BCAS3: variants seen among roughly 807,000 people sequenced by gnomAD.
BCAS3 encodes BCAS3 microtubule associated cell migration factor, also known as BCAS4/BCAS3 fusion.
A neutral mutation model predicts 116.1 loss-of-function variants in BCAS3; 53 were observed. The ratio of observed to expected loss-of-function variants is 0.46; its 90% CI spans 0.37 to 0.57. BCAS3 has a LOEUF of 0.57. Among genes scored for constraint, BCAS3 ranks in the 20% least tolerant of loss-of-function variants. The pLI is 0.00. For synonymous variants in BCAS3, 391 were observed against 408.2 expected (o/e 0.96, Z 0.51); for missense variants, 917 against 1,165.4 (o/e 0.79, Z 3.10).
At position 61,078,467 on chromosome 17, in the gene BCAS3, G is replaced by A. The variant is rs35444549; in HGVS notation, c.2265G>A (p.Pro755=). The A allele has an allele frequency of 1.3e-4, 209 of 1,614,140 alleles. 1 individual carries two copies. In the African/African-American group the frequency reaches 2.2e-3, roughly 17 times the overall value. The stretch of plus-strand genomic sequence containing the variant: ...CATCTGTGTTGCAGTCTCATGGTCC[G>A]AGTGACACGCCACAGCCTCTTTTGG... ...SSSSVLQSHG[P]SDTPQPLLDF... The change falls in exon 21 of 24, where the codon CCG becomes CCA. Residue 755 remains proline, a synonymous_variant. Coordinates refer to ENST00000407086, the MANE Select transcript of BCAS3 (RefSeq NM_017679.5).
rs2066477750 is a variant in BCAS3 at position 61,029,434 on chromosome 17, G to A, written c.1638-5232G>A. Among the ~76,000 whole-genome samples the A allele has an allele frequency of 6.6e-6, 1 of 151,852 alleles. No individual in the cohort carries two copies. The highest frequency in any genetic ancestry group is 1.5e-5 in the Non-Finnish European group (1 of 67,886). On this transcript the variant is annotated intron_variant, in intron 16 of 23. Coordinates refer to ENST00000407086, the MANE Select transcript of BCAS3 (RefSeq NM_017679.5). The surrounding 1 kb of genome is among the most constrained non-coding windows in gnomAD (Gnocchi z 5.2). ...ATTATGTGTCATCTAGGTTAGTTTA[G>A]GATATTTGAGTTTGGATGACTATAT...
chr17:60,989,890 C>G lies in BCAS3; in HGVS notation c.1222-81C>G, dbSNP rs919927331. On this transcript the variant is annotated intron_variant, in intron 14 of 23. Coordinates refer to ENST00000407086, the MANE Select transcript of BCAS3 (RefSeq NM_017679.5). ...TGGTAATGAGGCAATCATTTATATTCATATTTGGTGATGTGTGATACTCTT... is the reference window on the plus strand; with the variant it reads ...TGGTAATGAGGCAATCATTTATATTGATATTTGGTGATGTGTGATACTCTT... 3.5e-6 allele frequency: 5 copies of G among 1,419,492 alleles called. No homozygotes were observed. In the African/African-American group the frequency reaches 5.7e-5, roughly 16 times the overall value. The allele number at this position is 1,419,492 out of a possible 1,614,324, so 87.9% of individuals were successfully genotyped here. A position where few individuals can be genotyped will look rare whatever the true frequency, so the allele number is the denominator to read the frequency against.
intron 14 of BCAS3, among the ~76,000 whole-genome samples, chr17:60,976,020 CTTTTTTTTT>C (rs755966067): frequency 6.1e-5 from 6 of 98,286 alleles, no homozygotes; most frequent in East Asian, 7.0e-4. Flanking sequence ...TAGATTTTTG[CTTTTTTTTT>C]TTTTTTTTTT....
Position 61,313,594 on chromosome 17 carries a change from G to A in BCAS3, c.2426-54733G>A, listed in dbSNP as rs369223504. 6.6e-5 allele frequency among the ~76,000 whole-genome samples: 10 copies of A among 152,344 alleles called. No individual in the cohort carries two copies. In the South Asian group the frequency reaches 1.4e-3, roughly 22 times the overall value. On this transcript the variant is annotated intron_variant, in intron 22 of 23. Transcript: ENST00000407086. This position sits in a 1 kb window ranked among gnomAD's most constrained non-coding sequence, Gnocchi z 4.3. ...TGTAGGGGATTTATTTCCAAGGCTGGAGGACAGAGCTTGGACTCGGGTCCA... is the reference window on the plus strand; with the variant it reads ...TGTAGGGGATTTATTTCCAAGGCTGAAGGACAGAGCTTGGACTCGGGTCCA...
chr17:60,813,850 T>C (rs1298413725), intron 7 of BCAS3, among the ~76,000 whole-genome samples: 1 of 152,164 alleles, frequency 6.6e-6, no homozygotes, highest in Non-Finnish European at 1.5e-5. Context: ...ATATGCAGCT[T>C]TATTTCTGGG....
chr17:61,070,885 G>A (rs1568284150), intron 19 of BCAS3, among the ~76,000 whole-genome samples: 1 of 152,178 alleles, frequency 6.6e-6, no homozygotes, highest in Non-Finnish European at 1.5e-5. Context: ...GGTCATATCT[G>A]TAAAACAGAA....
At chr17:60,857,650 G>T (rs2053793954) in intron 7 of BCAS3, among the ~76,000 whole-genome samples, 1 of 152,132 alleles carries the variant, frequency 6.6e-6, no homozygotes, top group African/African-American at 2.4e-5. Flanking sequence ...AGATTGTCTT[G>T]CTATGTTCCA....
At chr17:61,048,547 T>G (rs2068555338) in intron 19 of BCAS3, among the ~76,000 whole-genome samples, 1 of 152,012 alleles carries the variant, frequency 6.6e-6, no homozygotes, top group South Asian at 2.1e-4. Flanking sequence ...GTGCTTTTAT[T>G]GTAAATAAAG....
In BCAS3 at chr17:60,961,476, A is replaced by G. The variant is rs2061409591; in HGVS notation, c.1221+14124A>G. 6.6e-6 allele frequency among the ~76,000 whole-genome samples: 1 copy of G among 152,120 alleles called. No homozygotes were observed. The highest frequency in any genetic ancestry group is 1.5e-5 in the Non-Finnish European group (1 of 68,028). On this transcript the variant is annotated intron_variant, in intron 14 of 23. Transcript: ENST00000407086. This position sits in a 1 kb window ranked among gnomAD's most constrained non-coding sequence, Gnocchi z 4.8. ...CAGAATGAACCTCGAGATTACCCAG[A>G]TGTAGTAAATTATAAAAATTATTTT... is the stretch of plus-strand genomic sequence containing the variant.
intron 9 of BCAS3, among the ~76,000 whole-genome samples, chr17:60,884,539 G>T (rs1207628218): frequency 6.8e-6 from 1 of 147,292 alleles, no homozygotes; most frequent in Admixed American, 6.7e-5. Context: ...TGATGTTAGG[G>T]TGTCTATTTT....
chr17:61,177,958 C>G (rs2079244267), intron 22 of BCAS3, among the ~76,000 whole-genome samples: 1 of 152,104 alleles, frequency 6.6e-6, no homozygotes, highest in Admixed American at 6.5e-5. Context: ...AGACTATATA[C>G]TATAGCTACT....
chr17:60,914,991 A>G (rs1444200260), intron 12 of BCAS3, among the ~76,000 whole-genome samples: 1 of 152,160 alleles, frequency 6.6e-6, no homozygotes, highest in Non-Finnish European at 1.5e-5. Context: ...TATACATGTA[A>G]ATGATATAAA....
intron 5 of BCAS3, among the ~76,000 whole-genome samples, chr17:60,740,498 C>CAAAAAAA (rs774901641): frequency 1.0e-4 from 6 of 58,082 alleles, no homozygotes; most frequent in East Asian, 5.3e-4. Context: ...GACCCTGTCT[C>CAAAAAAA]AAAAAAAAAA....
intron 14 of BCAS3, among the ~76,000 whole-genome samples, chr17:60,958,734 C>A (rs2061267451): frequency 6.6e-6 from 1 of 152,068 alleles, no homozygotes; most frequent in Admixed American, 6.5e-5. Context: ...CACTTATGAG[C>A]AAAATAATTT....
At position 61,370,977 on chromosome 17, in the gene BCAS3, T is replaced by C. The variant is rs144031867; in HGVS notation, c.2593+2483T>C. 2.0e-5 allele frequency among the ~76,000 whole-genome samples: 3 copies of C among 152,324 alleles called. No individual in the cohort carries two copies. In the East Asian group the frequency reaches 5.8e-4, roughly 29 times the overall value. ...CTCTTTCTTCCCACAACTCTACTTC[T>C]CTAGGTGGCTTATAGGACAAATGAG... On this transcript the variant is annotated intron_variant, in intron 23 of 23. Transcript: ENST00000407086.
intron 12 of BCAS3, among the ~76,000 whole-genome samples, chr17:60,923,182 T>C (rs1021619980): frequency 1.3e-5 from 2 of 152,208 alleles, no homozygotes; most frequent in African/African-American, 2.4e-5. Context: ...TATTTGTAGC[T>C]AGATTGAATT....
At chr17:60,814,363 G>A (rs1318050340) in intron 7 of BCAS3, among the ~76,000 whole-genome samples, 3 of 149,690 alleles carry the variant, frequency 2.0e-5, no homozygotes, top group African/African-American at 4.9e-5. Context: ...CAGTTTGGAC[G>A]TTATTTGTAT....
At chr17:61,253,063 A>G (rs921071947) in intron 22 of BCAS3, among the ~76,000 whole-genome samples, 1 of 151,094 alleles carries the variant, frequency 6.6e-6, no homozygotes, top group Admixed American at 6.6e-5. Context: ...TGTAGTAGGG[A>G]TGGGGTTCCA....
intron 22 of BCAS3, among the ~76,000 whole-genome samples, chr17:61,271,589 CTGTGTGTGTGTGTGTGTG>C (rs34693526): frequency 1.2e-4 from 14 of 118,432 alleles, no homozygotes; most frequent in Non-Finnish European, 1.4e-4. Context: ...ACGCCCAGCT[CTGTGTGTGTGTGTGTGTG>C]TGTGTGTGTG....
Sources: allele counts gnomAD v4.1 joint callset (sites outside exome capture counted in the v4.1 genomes callset), GRCh38; gene constraint gnomAD v4.1.1; non-coding constraint Gnocchi (gnomAD v3.1); transcripts MANE v1.5; gene names NCBI Gene and HGNC (gene_info 2026-07-23, HGNC 2026-07-21).